Variants in CDH18 observed in about 807,000 individuals in gnomAD.
CDH18 encodes cadherin 18, also known as cadherin-18.
Under a neutral mutation model 67.9 loss-of-function variants are expected in CDH18, and 31 were observed. That is an observed-to-expected ratio of 0.46 (90% CI 0.34 to 0.62). The LOEUF is 0.62. Ranked by LOEUF, CDH18 falls within the 20% of genes least tolerant of loss-of-function variation. The pLI is 0.01. For missense variants in CDH18, 890 were observed against 975.5 expected, an observed-to-expected ratio of 0.91 and a Z score of 1.17; for synonymous variants, 362 against 347.2, an observed-to-expected ratio of 1.04 and a Z score of -0.48.
intron 2 of CDH18, among the ~76,000 whole-genome samples, chr5:20,082,439 A>G (rs1284800818): frequency 6.6e-6 from 1 of 152,196 alleles, no homozygotes; most frequent in Admixed American, 6.5e-5. Context: ...GTAGTTTCTA[A>G]TGTACTATTT....
chr5:19,608,092 C>A (rs190008345), intron 6 of CDH18, among the ~76,000 whole-genome samples: 8 of 150,890 alleles, frequency 5.3e-5, no homozygotes, highest in Non-Finnish European at 1.2e-4. Context: ...CAATAACAGA[C>A]GAGCAAAAAT....
At chr5:20,168,578 G>C (rs761305224) in intron 2 of CDH18, among the ~76,000 whole-genome samples, 1 of 152,086 alleles carries the variant, frequency 6.6e-6, no homozygotes, top group South Asian at 2.1e-4. Flanking sequence ...AATATCCCAA[G>C]ATATAGGTTC....
rs188399756 is a variant in CDH18, at chr5:20,498,959, T to C, written c.-580+76503A>G. On this transcript the variant is annotated intron_variant, in intron 1 of 14. Coordinates refer to the CDH18 transcript ENST00000507958. ...GGTTATAGAAGCTTTTGTATTGAGC[T>C]TGTGTTTCCTGGTTTAATTTGCATA... Among the ~76,000 whole-genome samples, 7 of 152,262 alleles carry C rather than the reference T, an allele frequency of 4.6e-5. No homozygotes were observed. The East Asian group carries it at 1.3e-3, about 29-fold the overall frequency.
At chr5:19,996,726 C>T (rs972500276) in intron 2 of CDH18, among the ~76,000 whole-genome samples, 1 of 151,748 alleles carries the variant, frequency 6.6e-6, no homozygotes, top group African/African-American at 2.4e-5. Context: ...TGTTCATATC[C>T]ATTTCTCTAT....
At chr5:20,260,390 G>A (rs1314593601) in intron 1 of CDH18, among the ~76,000 whole-genome samples, 4 of 151,922 alleles carry the variant, frequency 2.6e-5, no homozygotes, top group African/African-American at 9.7e-5. Context: ...TTGTGCTCCA[G>A]GGGCTCTACT....
chr5:19,566,301 T>C (rs569530307), intron 8 of CDH18, among the ~76,000 whole-genome samples: 2 of 152,280 alleles, frequency 1.3e-5, no homozygotes, highest in South Asian at 2.1e-4. Context: ...ACAACCACTA[T>C]GGAGAACAGT....
chr5:19,778,856 A>G (rs1774729579), intron 3 of CDH18, among the ~76,000 whole-genome samples: 1 of 152,186 alleles, frequency 6.6e-6, no homozygotes, highest in Non-Finnish European at 1.5e-5. Flanking sequence ...GAGGAAATTT[A>G]GCCTAGCTCT....
intron 6 of CDH18, among the ~76,000 whole-genome samples, chr5:19,604,763 A>C (rs1747759892): frequency 6.6e-6 from 1 of 152,086 alleles, no homozygotes; most frequent in East Asian, 1.9e-4. Flanking sequence ...TGTTCTAAGA[A>C]ATATCTTTAA....
At chr5:19,549,322 A>G (rs1471458840) in intron 8 of CDH18, among the ~76,000 whole-genome samples, 1 of 152,136 alleles carries the variant, frequency 6.6e-6, no homozygotes, top group East Asian at 1.9e-4. Context: ...ACCATGTGAC[A>G]TGCTGGCTCC....
intron 1 of CDH18, among the ~76,000 whole-genome samples, chr5:20,534,378 A>T (rs1273405156): frequency 6.6e-6 from 1 of 152,102 alleles, no homozygotes; most frequent in Non-Finnish European, 1.5e-5. Context: ...GCACAAAAAG[A>T]AGCATTAAAA....
chr5:20,532,034 CTAA>C (rs1756432517), intron 1 of CDH18, among the ~76,000 whole-genome samples: 1 of 151,812 alleles, frequency 6.6e-6, no homozygotes, highest in African/African-American at 2.4e-5. Context: ...TAACAATATA[CTAA>C]AAAAGTATTT....
intron 2 of CDH18, among the ~76,000 whole-genome samples, chr5:20,225,512 A>G (rs1308030479): frequency 6.6e-6 from 1 of 152,118 alleles, no homozygotes; most frequent in Non-Finnish European, 1.5e-5. Context: ...CACACATTGA[A>G]TATTTCTTGT....
At chr5:19,950,136 A>T (rs766680483) in intron 2 of CDH18, among the ~76,000 whole-genome samples, 2 of 151,860 alleles carry the variant, frequency 1.3e-5, no homozygotes, top group South Asian at 4.1e-4. Flanking sequence ...GGAATATCAC[A>T]TTGGAATAAA....
intron 2 of CDH18, among the ~76,000 whole-genome samples, chr5:19,902,635 A>C (rs1790067799): frequency 6.6e-6 from 1 of 152,208 alleles, no homozygotes; most frequent in African/African-American, 2.4e-5. Context: ...GAACCCAGCC[A>C]AGCTGTTCCC....
chr5:20,158,039 G>A (rs1751690597), intron 2 of CDH18, among the ~76,000 whole-genome samples: 1 of 151,990 alleles, frequency 6.6e-6, no homozygotes, highest in African/African-American at 2.4e-5. Flanking sequence ...TCAGACATAG[G>A]GAAGAACATG....
intron 1 of CDH18, chr5:20,305,846 T>C (rs1398995692): frequency 9.4e-6 from 2 of 213,826 alleles, no homozygotes; most frequent in African/African-American, 4.8e-5. Context: ...CTGAACTGGG[T>C]TGAACACACA....
chr5:20,545,845 G>T (rs1370403678), intron 1 of CDH18, among the ~76,000 whole-genome samples: 3 of 152,130 alleles, frequency 2.0e-5, no homozygotes, highest in Admixed American at 6.6e-5. Flanking sequence ...CAGAAAATGG[G>T]TTTTTCCTTT....
At chr5:20,437,996 ATATTTTAAGGG>A (rs1749303845) in intron 1 of CDH18, among the ~76,000 whole-genome samples, 1 of 151,308 alleles carries the variant, frequency 6.6e-6, no homozygotes, top group South Asian at 2.1e-4. Context: ...AAATATAAGT[ATATTTTAAGGG>A]TATTTTTGAC....
chr5:19,605,356 C>T (rs1289791950), intron 6 of CDH18, among the ~76,000 whole-genome samples: 1 of 151,610 alleles, frequency 6.6e-6, no homozygotes, highest in Non-Finnish European at 1.5e-5. Context: ...TCTTTATAAA[C>T]TAAATATCAT....
Sources: allele counts gnomAD v4.1 joint callset (sites outside exome capture counted in the v4.1 genomes callset), GRCh38; gene constraint gnomAD v4.1.1; transcripts MANE v1.5; gene names NCBI Gene and HGNC (gene_info 2026-07-23, HGNC 2026-07-21).